GPHN: variants seen among roughly 807,000 people sequenced by gnomAD.
GPHN encodes gephyrin.
GPHN carries 17 observed loss-of-function variants against 95.5 expected under a neutral mutation model. The observed-to-expected ratio is 0.18, with a 90% CI of 0.12 to 0.27. GPHN has a LOEUF of 0.27. Ranked by LOEUF, GPHN falls within the 10% of genes least tolerant of loss-of-function variation. The probability of loss-of-function intolerance (pLI) is 1.00; values close to 1 mark genes in which losing one functional copy is unlikely to be tolerated. For synonymous variants in GPHN, 320 were observed against 322.5 expected, an observed-to-expected ratio of 0.99 and a Z score of 0.08; for missense variants, 660 against 978.1, an observed-to-expected ratio of 0.67 and a Z score of 4.34.
the GPHN span, among the ~76,000 whole-genome samples, chr14:67,192,665 T>C: frequency 1.3e-5 from 2 of 151,794 alleles, no homozygotes; most frequent in African/African-American, 2.4e-5. Context: ...TTACAAGACA[T>C]TGTCATGTTC....
chr14:66,985,774 G>A (rs779531896), intron 9 of GPHN: 162 of 1,234,138 alleles, frequency 1.3e-4, no homozygotes, highest in Non-Finnish European at 1.6e-4. Context: ...GCAAGATTTC[G>A]TCTATAGCCT....
At chr14:66,527,456 CTG>C (rs2058738620) in intron 1 of GPHN, among the ~76,000 whole-genome samples, 1 of 148,208 alleles carries the variant, frequency 6.7e-6, no homozygotes, top group South Asian at 2.1e-4. Flanking sequence ...ATTTTCATGT[CTG>C]TATCTCCTTC....
intron 1 of GPHN, among the ~76,000 whole-genome samples, chr14:66,509,938 C>CT (rs1402230962): frequency 6.6e-6 from 1 of 152,066 alleles, no homozygotes; most frequent in Non-Finnish European, 1.5e-5. Context: ...CCAAAGCCTC[C>CT]TTTTTTCTCT....
At chr14:66,589,976 C>T (rs1334119088) in intron 1 of GPHN, among the ~76,000 whole-genome samples, 2 of 152,156 alleles carry the variant, frequency 1.3e-5, no homozygotes, top group Non-Finnish European at 2.9e-5. Context: ...TCATAATAGT[C>T]TCTCAGACCA....
the GPHN span, among the ~76,000 whole-genome samples, chr14:67,675,407 A>G: frequency 6.6e-6 from 1 of 152,012 alleles, no homozygotes; most frequent in South Asian, 2.1e-4. Flanking sequence ...CCGGAGGCTG[A>G]GGTCCCACCA....
chr14:67,345,400 T>A, the GPHN span, among the ~76,000 whole-genome samples: 10 of 151,382 alleles, frequency 6.6e-5, no homozygotes, highest in Admixed American at 5.9e-4. Flanking sequence ...CTACAAAAAA[T>A]ACAAAAGTTA....
the GPHN span, among the ~76,000 whole-genome samples, chr14:67,202,764 G>C: frequency 5.4e-4 from 82 of 152,272 alleles, no homozygotes; most frequent in African/African-American, 1.8e-3. Flanking sequence ...GAACATCACT[G>C]CCTGTCTCCC....
chr14:67,428,050 T>C, the GPHN span, among the ~76,000 whole-genome samples: 1 of 151,760 alleles, frequency 6.6e-6, no homozygotes, highest in African/African-American at 2.4e-5. Flanking sequence ...GCCTCCTGAG[T>C]AGCTGGGATT....
intron 3 of GPHN, among the ~76,000 whole-genome samples, chr14:66,798,917 T>G (rs1372729455): frequency 1.3e-5 from 2 of 151,880 alleles, no homozygotes; most frequent in African/African-American, 4.8e-5. Flanking sequence ...ATTGCTTATT[T>G]GAAGTTTCCT....
intron 4 of GPHN, among the ~76,000 whole-genome samples, chr14:66,866,913 C>T (rs1229594884): frequency 6.6e-6 from 1 of 152,080 alleles, no homozygotes; most frequent in Non-Finnish European, 1.5e-5. Context: ...ATGCTCACTG[C>T]AAAGTATATG....
chr14:67,172,292 C>T lies in GPHN; in HGVS notation c.2079+3256C>T, dbSNP rs190980127. Among the ~76,000 whole-genome samples the T allele has an allele frequency of 3.9e-3, 592 of 152,230 alleles. 3 individuals are homozygous for T. The highest frequency in any genetic ancestry group is 0.013 in the African/African-American group (524 of 41,526). On this transcript the variant is annotated intron_variant, in intron 21 of 22. Coordinates refer to ENST00000478722, the MANE Select transcript of GPHN (RefSeq NM_020806.5). ...CCTCAGCCAGAGCTAAAGCCATATA[C>T]GGCCTCCTAGGAAAACAGTATCTTG...
chr14:67,183,137 T>C (rs1408230385), downstream of GPHN, among the ~76,000 whole-genome samples: 2 of 152,200 alleles, frequency 1.3e-5, no homozygotes, highest in Non-Finnish European at 2.9e-5. Context: ...TTTCTATACC[T>C]GTAATATAAG....
intron 3 of GPHN, among the ~76,000 whole-genome samples, chr14:66,790,836 C>G (rs2059945306): frequency 6.6e-6 from 1 of 152,238 alleles, no homozygotes; most frequent in South Asian, 2.1e-4. Flanking sequence ...GACCCATCAG[C>G]TCTGAAGTTT....
chr14:66,739,659 C>G (rs2072627191), intron 2 of GPHN, among the ~76,000 whole-genome samples: 1 of 151,768 alleles, frequency 6.6e-6, no homozygotes, highest in African/African-American at 2.4e-5. Context: ...CTGGTGAATT[C>G]ACTTTGTCCT....
At chr14:67,700,449 C>T in the GPHN span, among the ~76,000 whole-genome samples, 1 of 152,146 alleles carries the variant, frequency 6.6e-6, no homozygotes, top group Non-Finnish European at 1.5e-5. Flanking sequence ...GGCACAGTAG[C>T]TCACGCCTGT....
At chr14:67,577,466 G>C in the GPHN span, 1 of 1,179,164 alleles carries the variant, frequency 8.5e-7, no homozygotes, top group Non-Finnish European at 1.2e-6. Flanking sequence ...CAATACTTGG[G>C]TGGAGAAGGC....
At chr14:66,773,934 T>C (rs1353553762) in intron 2 of GPHN, among the ~76,000 whole-genome samples, 1 of 150,984 alleles carries the variant, frequency 6.6e-6, no homozygotes, top group African/African-American at 2.4e-5. Flanking sequence ...CCCTAGATAA[T>C]CTTTATATTT....
chr14:66,939,604 G>A (rs111300746), intron 8 of GPHN, among the ~76,000 whole-genome samples: 2,299 of 152,138 alleles, frequency 0.015, 33 homozygotes, highest in Non-Finnish European at 0.018. Flanking sequence ...AAATGGTGTG[G>A]GATTCCAAAC....
intron 9 of GPHN, among the ~76,000 whole-genome samples, chr14:66,988,615 A>G (rs923800495): frequency 1.3e-5 from 2 of 152,078 alleles, no homozygotes; most frequent in African/African-American, 2.4e-5. Context: ...TTCACGTAGC[A>G]TCTTACAAAT....
Sources: allele counts gnomAD v4.1 joint callset (sites outside exome capture counted in the v4.1 genomes callset), GRCh38; gene constraint gnomAD v4.1.1; transcripts MANE v1.5; gene names NCBI Gene and HGNC (gene_info 2026-07-23, HGNC 2026-07-21).